TGFBR2: variants seen among roughly 807,000 people sequenced by gnomAD.
TGFBR2 encodes TGF-beta receptor type-2.
A neutral mutation model predicts 49.0 loss-of-function variants in TGFBR2; 18 were observed. That is an observed-to-expected ratio of 0.37 (90% CI 0.25 to 0.54). The LOEUF is 0.54. TGFBR2 is among the 20% of genes least tolerant of loss of function. TGFBR2 has a pLI of 0.85. For missense variants in TGFBR2, 525 were observed against 722.6 expected (o/e 0.73, Z 3.13); for synonymous variants, 282 against 275.9 (o/e 1.02, Z -0.22).
At chr3:30,665,128 C>T (rs1699220736) in intron 3 of TGFBR2, among the ~76,000 whole-genome samples, 9 of 152,262 alleles carry the variant, frequency 5.9e-5, no homozygotes, top group Admixed American at 3.9e-4. Flanking sequence ...CAAGGATGTT[C>T]ACATGCCAGC....
chr3:30,669,246 A>G (rs1310037610), intron 3 of TGFBR2, among the ~76,000 whole-genome samples: 1 of 151,896 alleles, frequency 6.6e-6, no homozygotes, highest in African/African-American at 2.4e-5. Context: ...CTGCCTGGGT[A>G]ACAGAGCAAG....
At chr3:30,646,608 A>G (rs1295010364) in intron 2 of TGFBR2, among the ~76,000 whole-genome samples, 3 of 152,194 alleles carry the variant, frequency 2.0e-5, no homozygotes, top group African/African-American at 4.8e-5. Context: ...CATTTTCACA[A>G]TCATGGTTTC....
chr3:30,638,143 A>G (rs1048315573), intron 1 of TGFBR2, among the ~76,000 whole-genome samples: 1 of 152,228 alleles, frequency 6.6e-6, no homozygotes, highest in Non-Finnish European at 1.5e-5. Flanking sequence ...TAATATTTAA[A>G]GTAGCGTTTT....
chr3:30,651,773 T>C (rs903287098), intron 3 of TGFBR2, among the ~76,000 whole-genome samples: 4 of 152,258 alleles, frequency 2.6e-5, no homozygotes, highest in Non-Finnish European at 4.4e-5. Flanking sequence ...ACTACTAAAC[T>C]ATTCTCCTCC....
At chr3:30,666,890 C>A (rs1035963975) in intron 3 of TGFBR2, among the ~76,000 whole-genome samples, 3 of 151,980 alleles carry the variant, frequency 2.0e-5, no homozygotes, top group African/African-American at 7.3e-5. Flanking sequence ...AAGTGATTCT[C>A]CCGCCAAAGT....
At chr3:30,691,371 G>A (rs1280706436) in intron 6 of TGFBR2, 49 bp from the exon 7 acceptor site, 16 of 1,606,580 alleles carry the variant, frequency 1.0e-5, no homozygotes, top group African/African-American at 2.7e-5. Context: ...CTTGCCTTCC[G>A]CGGAGCCCAC....
At chr3:30,668,229 C>T (rs929110151) in intron 3 of TGFBR2, among the ~76,000 whole-genome samples, 3 of 152,146 alleles carry the variant, frequency 2.0e-5, no homozygotes, top group African/African-American at 7.2e-5. Flanking sequence ...TTGCCCCATT[C>T]TGCCCCAGGT....
chr3:30,666,433 A>C (rs779216642), intron 3 of TGFBR2, among the ~76,000 whole-genome samples: 5 of 152,180 alleles, frequency 3.3e-5, no homozygotes, highest in Non-Finnish European at 7.3e-5. Context: ...AGACACTACT[A>C]AACTGTGGTT....
chr3:30,662,336 A>T (rs1000999187), intron 3 of TGFBR2, among the ~76,000 whole-genome samples: 13 of 152,320 alleles, frequency 8.5e-5, no homozygotes, highest in African/African-American at 3.1e-4. Flanking sequence ...TTCTAGAAAG[A>T]GATTATCATA....
intron 1 of TGFBR2, among the ~76,000 whole-genome samples, chr3:30,612,184 C>T (rs937200604): frequency 6.6e-6 from 1 of 152,184 alleles, no homozygotes; most frequent in African/African-American, 2.4e-5. Flanking sequence ...AGAACCTACC[C>T]TGAGACAGCC....
intron 1 of TGFBR2, among the ~76,000 whole-genome samples, chr3:30,629,442 G>A (rs773211388): frequency 3.9e-5 from 6 of 152,150 alleles, no homozygotes; most frequent in Admixed American, 2.0e-4. Flanking sequence ...TCCTTTTATT[G>A]CTAAGTTAGA....
At chr3:30,613,526 GAGAGAGAGAGAGAGAGAGAGAGAGAA>G (rs1177276845) in intron 1 of TGFBR2, among the ~76,000 whole-genome samples, 1 of 35,244 alleles carries the variant, frequency 2.8e-5, no homozygotes, top group African/African-American at 1.6e-4. Flanking sequence ...GTCTGTATGT[GAGAGAGAGAGAGAGAGAGAGAGAGAA>G]AGAGAGAGAG....
At chr3:30,660,068 A>G (rs1220106022) in intron 3 of TGFBR2, among the ~76,000 whole-genome samples, 1 of 152,168 alleles carries the variant, frequency 6.6e-6, no homozygotes, top group African/African-American at 2.4e-5. Context: ...CAATTTTGCC[A>G]TTACAAATTA....
intron 1 of TGFBR2, among the ~76,000 whole-genome samples, chr3:30,638,641 G>T (rs1698587582): frequency 6.6e-6 from 1 of 152,228 alleles, no homozygotes; most frequent in Admixed American, 6.5e-5. Context: ...TCAGCAAAAA[G>T]AACTATTCCT....
At chr3:30,673,276 A>T (rs541442137) in intron 4 of TGFBR2, among the ~76,000 whole-genome samples, 1 of 152,308 alleles carries the variant, frequency 6.6e-6, no homozygotes, top group East Asian at 1.9e-4. Context: ...TCTCTAATAC[A>T]TGCCAATAAG....
intron 1 of TGFBR2, among the ~76,000 whole-genome samples, chr3:30,610,588 G>T (rs1393173387): frequency 1.3e-5 from 2 of 152,134 alleles, no homozygotes; most frequent in Non-Finnish European, 2.9e-5. Flanking sequence ...GCCGTCCTGG[G>T]TTCCAGACCC....
rs886038945 is a variant in TGFBR2, at chr3:30,671,777, T to C, written c.594T>C (p.Ser198=). Residue 198 remains serine, a synonymous_variant, in exon 4 of 7, where the codon AGT becomes AGC. Coordinates refer to ENST00000295754, the MANE Select transcript of TGFBR2 (RefSeq NM_003242.6). ...GCGTTAACCGGCAGCAGAAGCTGAG[T>C]TCAACCTGGGAAACCGGCAAGACGC... ...CYRVNRQQKL[S]STWETGKTRK... 6.2e-6 allele frequency: 10 copies of C among 1,613,882 alleles called. No homozygotes were observed. Among genetic ancestry groups the C allele is most frequent in the Non-Finnish European group, 8.5e-6 (10 of 1,180,020 alleles).
chr3:30,675,524 T>C (rs1699421845), intron 5 of TGFBR2, among the ~76,000 whole-genome samples: 1 of 151,992 alleles, frequency 6.6e-6, no homozygotes, highest in Non-Finnish European at 1.5e-5. Context: ...GTAGCTGAGA[T>C]TACAGACATG....
In TGFBR2 at chr3:30,692,198, C is replaced by A. The variant is rs79755385; in HGVS notation, c.*599C>A. 3.0e-3 allele frequency: 677 copies of A among 227,456 alleles called. 6 individuals carry two copies. The highest frequency in any genetic ancestry group is 0.014 in the African/African-American group (630 of 45,062). The allele number at this position is 227,456 out of a possible 1,614,324, so 14.1% of individuals were successfully genotyped here. A position where few individuals can be genotyped will look rare whatever the true frequency, so the allele number is the denominator to read the frequency against. On this transcript the variant is annotated 3_prime_UTR_variant, in exon 7 of 7. Coordinates refer to ENST00000295754, the MANE Select transcript of TGFBR2 (RefSeq NM_003242.6). ...GCTTTTGCAAAATAATCATTCCCTG[C>A]CTAGCACTTCTCTTCTGGCCATGGA...
Sources: allele counts gnomAD v4.1 joint callset (sites outside exome capture counted in the v4.1 genomes callset), GRCh38; gene constraint gnomAD v4.1.1; transcripts MANE v1.5; gene names NCBI Gene and HGNC (gene_info 2026-07-23, HGNC 2026-07-21).